Variants in GALNT8 observed in about 807,000 individuals in gnomAD.
The protein encoded by GALNT8 is polypeptide N-acetylgalactosaminyltransferase 8, also known as probable polypeptide N-acetylgalactosaminyltransferase 8.
Under a neutral mutation model 62.7 loss-of-function variants are expected in GALNT8, and 66 were observed. That is an observed-to-expected ratio of 1.05 (90% CI 0.86 to 1.29). The LOEUF is 1.29. GALNT8 is among the 50% of genes most tolerant of loss of function. The pLI is 0.00. For missense variants in GALNT8, 771 were observed against 791.8 expected, an observed-to-expected ratio of 0.97 and a Z score of 0.32; for synonymous variants, 288 against 294.3, an observed-to-expected ratio of 0.98 and a Z score of 0.22.
chr12:4,765,393 C>G lies in GALNT8; in HGVS notation c.1608C>G (p.His536Gln). Residue 536 changes from histidine (H) to glutamine (Q), a missense_variant, in exon 10 of 11, where the codon CAC becomes CAG. By Grantham distance (24) the His-to-Gln change is conservative. Coordinates refer to ENST00000252318, the MANE Select transcript of GALNT8 (RefSeq NM_017417.2). ...TTTTTTTTTAGAATGTCTACTATCA[C>G]CTAACTGGGGAGCTCTATGTGGGAC... ...HEFSSQNVYYHLTGELYVGQL... is the reference protein window; with the variant it reads ...HEFSSQNVYYQLTGELYVGQL... 1 of 1,273,034 alleles carries G rather than the reference C, an allele frequency of 7.9e-7. No homozygotes were observed. 78.9% of individuals were successfully genotyped at this position (1,273,034 alleles called of 1,614,324 possible). A position where few individuals can be genotyped will look rare whatever the true frequency, so the allele number is the denominator to read the frequency against.
chr12:4,765,088 C>G (rs1946393069), intron 9 of GALNT8, among the ~76,000 whole-genome samples: 1 of 152,136 alleles, frequency 6.6e-6, no homozygotes, highest in Admixed American at 6.5e-5. Context: ...GTGACAGATT[C>G]TGGAGTTCAG....
Position 4,726,662 on chromosome 12 carries a change from C to A in GALNT8, c.342C>A (p.Thr114=). The A allele has an allele frequency of 1.2e-6, 2 of 1,613,854 alleles. No individual in the cohort carries two copies. Among genetic ancestry groups the A allele is most frequent in the Non-Finnish European group, 1.7e-6 (2 of 1,179,952 alleles). ...TKVNETKKHK[T]QMKLFPHSQL... is the part of the protein sequence containing the mutation. ...TGAATGAGACAAAGAAGCACAAAAC[C>A]CAAATGAAACTCTTCCCACACTCAC... Residue 114 remains threonine, a synonymous_variant, in exon 2 of 11, where the codon ACC becomes ACA. Coordinates refer to ENST00000252318, the MANE Select transcript of GALNT8 (RefSeq NM_017417.2). This position sits in a 1 kb window ranked among gnomAD's most constrained non-coding sequence, Gnocchi z 4.1.
intron 3 of GALNT8, 55 bp from the exon 4 acceptor site, chr12:4,744,462 G>A: frequency 1.6e-6 from 2 of 1,279,906 alleles, no homozygotes; most frequent in East Asian, 2.4e-5. Flanking sequence ...TAAAACTTTT[G>A]TATCACGTTG....
chr12:4,722,777 C>G (rs892405670), intron 1 of GALNT8, among the ~76,000 whole-genome samples: 15 of 151,734 alleles, frequency 9.9e-5, no homozygotes, highest in Non-Finnish European at 2.9e-5. Flanking sequence ...GAGAACTGAG[C>G]ATTGTCAGGG....
intron 10 of GALNT8, among the ~76,000 whole-genome samples, chr12:4,769,777 G>A (rs1415208061): frequency 2.6e-5 from 4 of 151,948 alleles, no homozygotes; most frequent in African/African-American, 9.6e-5. Context: ...AGCCATCAGC[G>A]ATCCTGAGGA....
chr12:4,770,407 G>C (rs1946418465), intron 10 of GALNT8, among the ~76,000 whole-genome samples: 1 of 152,074 alleles, frequency 6.6e-6, no homozygotes, highest in Non-Finnish European at 1.5e-5. Context: ...TAGAGGATGT[G>C]TGGAACACTG....
intron 10 of GALNT8, among the ~76,000 whole-genome samples, chr12:4,770,354 A>G (rs1378771186): frequency 6.6e-6 from 1 of 152,036 alleles, no homozygotes. Flanking sequence ...CAAACCCAAA[A>G]CAAAAATGTG....
chr12:4,762,595 C>T (rs1591574317), intron 7 of GALNT8, among the ~76,000 whole-genome samples: 1 of 152,296 alleles, frequency 6.6e-6, no homozygotes, highest in East Asian at 1.9e-4. Context: ...GAGAAATAAA[C>T]CTGAGCGGCC....
intron 2 of GALNT8, 123 bp from the exon 3 acceptor site, chr12:4,739,040 C>T: frequency 3.8e-6 from 2 of 531,232 alleles, no homozygotes; most frequent in South Asian, 4.1e-5. Context: ...TTTTGCTTTC[C>T]AGTGAGTTTG....
chr12:4,762,089 T>C (rs1464785192), intron 7 of GALNT8, among the ~76,000 whole-genome samples: 1 of 152,216 alleles, frequency 6.6e-6, no homozygotes, highest in Non-Finnish European at 1.5e-5. Context: ...CTTCCTTTCC[T>C]AATCCAAGCT....
At chr12:4,772,105 T>C (rs1350836272) in intron 10 of GALNT8, among the ~76,000 whole-genome samples, 1 of 152,048 alleles carries the variant, frequency 6.6e-6, no homozygotes, top group Non-Finnish European at 1.5e-5. Context: ...GGTGAGGACG[T>C]GGAGAGGAGG....
intron 1 of GALNT8, among the ~76,000 whole-genome samples, chr12:4,723,755 T>TC (rs1372254149): frequency 1.3e-5 from 2 of 151,422 alleles, no homozygotes; most frequent in Non-Finnish European, 3.0e-5. Flanking sequence ...CAATGCTTTT[T>TC]TTTTTTTTTT....
At chr12:4,721,373 A>G (rs903522576) in intron 1 of GALNT8, among the ~76,000 whole-genome samples, 1 of 151,946 alleles carries the variant, frequency 6.6e-6, no homozygotes, top group Non-Finnish European at 1.5e-5. Flanking sequence ...CATACGGAGG[A>G]TCCCGCCAGC....
chr12:4,772,257 G>A (rs1192022443), intron 10 of GALNT8, among the ~76,000 whole-genome samples, 188 bp from the exon 11 acceptor site: 4 of 152,238 alleles, frequency 2.6e-5, no homozygotes, highest in Non-Finnish European at 5.9e-5. Context: ...GTTTGCCATG[G>A]GGCTGGTAGA....
At chr12:4,723,671 T>C (rs1377883154) in intron 1 of GALNT8, among the ~76,000 whole-genome samples, 1 of 152,100 alleles carries the variant, frequency 6.6e-6, no homozygotes, top group Non-Finnish European at 1.5e-5. Flanking sequence ...CGCTCTGAAA[T>C]GTTGTGATGT....
chr12:4,734,983 C>T (rs1007983080), intron 2 of GALNT8, among the ~76,000 whole-genome samples: 9 of 152,194 alleles, frequency 5.9e-5, no homozygotes, highest in Admixed American at 2.6e-4. Context: ...CAGTGAGCTA[C>T]GCTGTGAGTA....
At chr12:4,760,896 T>G in intron 6 of GALNT8, 62 bp from the exon 7 acceptor site, 1 of 1,397,352 alleles carries the variant, frequency 7.2e-7, no homozygotes, top group South Asian at 1.2e-5. Context: ...TCTTCTTGTG[T>G]CAATAAGCTA....
At chr12:4,770,306 GAAA>G (rs1251278189) in intron 10 of GALNT8, among the ~76,000 whole-genome samples, 2 of 100,062 alleles carry the variant, frequency 2.0e-5, no homozygotes, top group African/African-American at 3.8e-5. Context: ...TGTCTCAAAA[GAAA>G]AAAAAAAAAA....
At chr12:4,736,434 TA>T (rs1946245142) in intron 2 of GALNT8, among the ~76,000 whole-genome samples, 1 of 151,980 alleles carries the variant, frequency 6.6e-6, no homozygotes, top group Non-Finnish European at 1.5e-5. Flanking sequence ...GGTCAAAACG[TA>T]AACTCCCTGA....
Sources: allele counts gnomAD v4.1 joint callset (sites outside exome capture counted in the v4.1 genomes callset), GRCh38; gene constraint gnomAD v4.1.1; non-coding constraint Gnocchi (gnomAD v3.1); transcripts MANE v1.5; gene names NCBI Gene and HGNC (gene_info 2026-07-23, HGNC 2026-07-21).